The following ARHGEF10 variants were observed in gnomAD, a reference collection of about 807,000 sequenced individuals.
The protein encoded by ARHGEF10 is Rho guanine nucleotide exchange factor 10.
A neutral mutation model predicts 147.4 loss-of-function variants in ARHGEF10; 140 were observed. The observed-to-expected ratio is 0.95, with a 90% confidence interval of 0.83 to 1.09. The LOEUF is 1.09. Among genes scored for constraint, ARHGEF10 ranks in the 50% least tolerant of loss-of-function variants. ARHGEF10 has a pLI of 0.00. For missense variants in ARHGEF10, 2,222 were observed against 1,752.7 expected, an observed-to-expected ratio of 1.27 and a Z score of -4.78; for synonymous variants, 902 against 695.8, an observed-to-expected ratio of 1.30 and a Z score of -4.67.
intron 18 of ARHGEF10, among the ~76,000 whole-genome samples, chr8:1,919,151 G>A (rs1297741287): frequency 1.3e-5 from 2 of 149,882 alleles, no homozygotes; most frequent in Non-Finnish European, 3.0e-5. Flanking sequence ...GGGTGATGGA[G>A]CTGTTCCGTG....
rs373007515 is a variant in ARHGEF10 at position 1,849,283 on chromosome 8, C to T, written c.37+5847C>T. 1.5e-3 allele frequency among the ~76,000 whole-genome samples: 226 copies of T among 150,036 alleles called. 6 individuals carry two copies. In the South Asian group the frequency reaches 0.046, roughly 30 times the overall value. Reference sequence around the variant, plus strand: ...AATGCTGAGAAGGGCGTAGGGCGGCCGTGTGGACACAGCAAATGCCGAGGA... The same window carrying T: ...AATGCTGAGAAGGGCGTAGGGCGGCTGTGTGGACACAGCAAATGCCGAGGA... On this transcript the variant is annotated intron_variant, in intron 2 of 28. Transcript: ENST00000349830.
Position 1,893,971 on chromosome 8 carries a change from C to T in ARHGEF10, c.1260+325C>T, listed in dbSNP as rs147148358. Reference sequence around the variant, plus strand: ...GGTGGATTGCCTGAGCTCAGGAGTTCGAGACCAGCCTGGGCAACACAGTGA... The same window carrying T: ...GGTGGATTGCCTGAGCTCAGGAGTTTGAGACCAGCCTGGGCAACACAGTGA... On this transcript the variant is annotated intron_variant, in intron 12 of 28. Coordinates refer to ENST00000349830, the MANE Select transcript of ARHGEF10 (RefSeq NM_014629.4). Among the ~76,000 whole-genome samples the T allele has an allele frequency of 3.2e-3, 488 of 151,886 alleles. 4 individuals are homozygous for T. The East Asian group carries it at 0.036, about 11-fold the overall frequency.
intron 1 of ARHGEF10, among the ~76,000 whole-genome samples, chr8:1,841,454 G>A (rs1804025879): frequency 6.6e-6 from 1 of 152,102 alleles, no homozygotes; most frequent in Non-Finnish European, 1.5e-5. Context: ...GGAAACCATT[G>A]GTTTATTGAT....
chr8:1,933,247 GA>G (rs1813295202), intron 25 of ARHGEF10, among the ~76,000 whole-genome samples: 2 of 152,282 alleles, frequency 1.3e-5, no homozygotes, highest in East Asian at 3.9e-4. Flanking sequence ...ATGCAGTATA[GA>G]GCAAGGCACA....
intron 11 of ARHGEF10, among the ~76,000 whole-genome samples, chr8:1,892,177 C>A (rs1258021227): frequency 6.6e-6 from 1 of 151,532 alleles, no homozygotes; most frequent in Non-Finnish European, 1.5e-5. Context: ...GTTGCTTGGC[C>A]TTTGGGTTCT....
intron 1 of ARHGEF10, among the ~76,000 whole-genome samples, chr8:1,833,488 C>T (rs1273856220): frequency 6.6e-6 from 1 of 152,034 alleles, no homozygotes; most frequent in East Asian, 1.9e-4. Flanking sequence ...GGGCAGGCTA[C>T]AGCCCGGGGC....
At chr8:1,854,793 T>G (rs1284952730) in intron 2 of ARHGEF10, among the ~76,000 whole-genome samples, 1 of 152,210 alleles carries the variant, frequency 6.6e-6, no homozygotes, top group Non-Finnish European at 1.5e-5. Flanking sequence ...TTCGCTCACA[T>G]GATGTGCGTG....
At position 1,916,441 on chromosome 8, in the gene ARHGEF10, G is replaced by A. The variant is rs150049864; in HGVS notation, c.2144-6523G>A. ...ACATGTATCTTCGTGACAGTGTGAT[G>A]TTCACGTTATAAAATGCTTGGGTTT... On this transcript the variant is annotated intron_variant, in intron 18 of 28. Coordinates refer to ENST00000349830, the MANE Select transcript of ARHGEF10 (RefSeq NM_014629.4). Among the ~76,000 whole-genome samples the A allele has an allele frequency of 4.3e-4, 66 of 152,332 alleles. No individual in the cohort carries two copies. The East Asian group carries it at 0.011, about 25-fold the overall frequency.
At chr8:1,924,806 C>T (rs1460525037) in intron 21 of ARHGEF10, among the ~76,000 whole-genome samples, 7 of 152,202 alleles carry the variant, frequency 4.6e-5, no homozygotes, top group Non-Finnish European at 1.0e-4. Context: ...GCTATATATT[C>T]TTTAATGCTC....
At chr8:1,882,281 C>T (rs898350104) in intron 9 of ARHGEF10, among the ~76,000 whole-genome samples, 2 of 152,156 alleles carry the variant, frequency 1.3e-5, no homozygotes, top group African/African-American at 4.8e-5. Flanking sequence ...GAGCTGTGAG[C>T]GTCTGCAGTT....
intron 17 of ARHGEF10, among the ~76,000 whole-genome samples, chr8:1,907,250 A>C (rs1188596629): frequency 1.3e-5 from 2 of 152,156 alleles, no homozygotes; most frequent in Admixed American, 1.3e-4. Context: ...TATGGCTTCC[A>C]AGTTTAACTG....
chr8:1,943,184 A>G, intron 26 of ARHGEF10, among the ~76,000 whole-genome samples: 1 of 152,264 alleles, frequency 6.6e-6, no homozygotes, highest in East Asian at 1.9e-4. Context: ...GGAACCCTAC[A>G]GCCCAGCCGG....
At chr8:1,841,739 G>C (rs551373184) in intron 1 of ARHGEF10, among the ~76,000 whole-genome samples, 1 of 152,008 alleles carries the variant, frequency 6.6e-6, no homozygotes, top group Non-Finnish European at 1.5e-5. Context: ...GCTGCTGCTC[G>C]TGGGGAGCCC....
intron 18 of ARHGEF10, among the ~76,000 whole-genome samples, chr8:1,918,800 G>C (rs1811959028): frequency 6.6e-6 from 1 of 152,218 alleles, no homozygotes; most frequent in African/African-American, 2.4e-5. Flanking sequence ...ATGTTCTATG[G>C]GTGATAGAGC....
intron 11 of ARHGEF10, among the ~76,000 whole-genome samples, chr8:1,891,881 T>G (rs894913846): frequency 6.6e-6 from 1 of 151,688 alleles, no homozygotes; most frequent in Non-Finnish European, 1.5e-5. Context: ...ATATTATACC[T>G]ATTCCAGATC....
intron 1 of ARHGEF10, among the ~76,000 whole-genome samples, chr8:1,825,446 A>G (rs75768327): frequency 0.024 from 1,492 of 63,166 alleles, 63 homozygotes; most frequent in African/African-American, 0.095. Context: ...CTGTCCCCCT[A>G]CACCTCACCT....
intron 12 of ARHGEF10, 57 bp from the exon 13 acceptor site, chr8:1,894,336 C>G (rs1480442662): frequency 8.8e-6 from 14 of 1,595,178 alleles, no homozygotes; most frequent in East Asian, 2.2e-5. Flanking sequence ...GACAACAAAA[C>G]AAGACCCAGG....
chr8:1,905,893 C>A (rs1165778114), intron 17 of ARHGEF10, among the ~76,000 whole-genome samples, 177 bp downstream of exon 17: 2 of 152,124 alleles, frequency 1.3e-5, no homozygotes, highest in Non-Finnish European at 2.9e-5. Context: ...TAAATAGATT[C>A]AGTGTAAGTC....
At chr8:1,875,429 G>C (rs1807613252) in intron 7 of ARHGEF10, among the ~76,000 whole-genome samples, 1 of 152,136 alleles carries the variant, frequency 6.6e-6, no homozygotes, top group South Asian at 2.1e-4. Flanking sequence ...ATGTGGGTGA[G>C]CTCTCAGGAT....
Sources: allele counts gnomAD v4.1 joint callset (sites outside exome capture counted in the v4.1 genomes callset), GRCh38; gene constraint gnomAD v4.1.1; transcripts MANE v1.5; gene names NCBI Gene and HGNC (gene_info 2026-07-23, HGNC 2026-07-21).